Variants in VAPB observed in about 807,000 individuals in gnomAD.
The protein encoded by VAPB is vesicle-associated membrane protein-associated protein B/C.
In VAPB, 7 loss-of-function variants were observed where a neutral mutation model predicts 25.6. That is an observed-to-expected ratio of 0.27 (90% CI 0.16 to 0.51). The LOEUF is 0.51. Ranked by LOEUF, VAPB falls within the 20% of genes least tolerant of loss-of-function variation. The pLI, the probability that VAPB is intolerant of heterozygous loss-of-function variation, is 0.97. For missense variants in VAPB, 266 were observed against 301.3 expected, an observed-to-expected ratio of 0.88 and a Z score of 0.87; for synonymous variants, 112 against 109.2, an observed-to-expected ratio of 1.03 and a Z score of -0.16.
rs991678446 is a variant in VAPB, at chr20:58,449,830, G to C, written c.*5595G>C. The C allele has an allele frequency of 2.2e-6, 1 of 454,112 alleles. No individual in the cohort carries two copies. Among genetic ancestry groups the C allele is most frequent in the South Asian group, 1.6e-5 (1 of 64,476 alleles). 28.1% of individuals were successfully genotyped at this position (454,112 alleles called of 1,614,324 possible). A position where few individuals can be genotyped will look rare whatever the true frequency, so the allele number is the denominator to read the frequency against. On this transcript the variant is annotated 3_prime_UTR_variant, in exon 6 of 6. Coordinates refer to ENST00000475243, the MANE Select transcript of VAPB (RefSeq NM_004738.5). ...TGGCCTGCTTTCCTGCTTGCATTCT[G>C]ATGAGCTGCAGGAGTGCGCCTGGCC...
chr20:58,427,537 AT>A (rs1293606890), intron 2 of VAPB, among the ~76,000 whole-genome samples: 2 of 151,508 alleles, frequency 1.3e-5, no homozygotes, highest in African/African-American at 2.4e-5. Context: ...TCGTAGCATT[AT>A]GATGCAGGCA....
At chr20:58,412,658 T>G (rs1424743303) in intron 1 of VAPB, among the ~76,000 whole-genome samples, 1 of 152,074 alleles carries the variant, frequency 6.6e-6, no homozygotes, top group East Asian at 1.9e-4. Context: ...TGTTATGCTA[T>G]GCTTGAGGTA....
At chr20:58,441,954 C>T (rs1183037385) in intron 5 of VAPB, among the ~76,000 whole-genome samples, 1 of 152,072 alleles carries the variant, frequency 6.6e-6, no homozygotes, top group African/African-American at 2.4e-5. Flanking sequence ...GAGCTTCTAG[C>T]TTCTGGATGA....
intron 2 of VAPB, among the ~76,000 whole-genome samples, chr20:58,423,397 A>T (rs1225622554): frequency 7.2e-6 from 1 of 138,818 alleles, no homozygotes; most frequent in Non-Finnish European, 1.5e-5. Context: ...GGGCAACAAG[A>T]GAGAAACTCC....
At chr20:58,424,226 G>A (rs148265141) in intron 2 of VAPB, among the ~76,000 whole-genome samples, 2 of 152,240 alleles carry the variant, frequency 1.3e-5, no homozygotes, top group African/African-American at 4.8e-5. Flanking sequence ...GGGCTCTCCA[G>A]TCTTGAATCT....
At chr20:58,405,235 G>A (rs1180212207) in intron 1 of VAPB, among the ~76,000 whole-genome samples, 1 of 152,062 alleles carries the variant, frequency 6.6e-6, no homozygotes, top group Admixed American at 6.6e-5. Context: ...GGAGACATTT[G>A]GGAAGAGCAT....
At chr20:58,437,127 G>A (rs1304230677) in intron 3 of VAPB, among the ~76,000 whole-genome samples, 1 of 148,256 alleles carries the variant, frequency 6.7e-6, no homozygotes, top group Non-Finnish European at 1.5e-5. Flanking sequence ...CCACCATGCC[G>A]GCTATTTTTT....
At chr20:58,440,292 A>G (rs1989132833) in intron 4 of VAPB, 1 of 152,990 alleles carries the variant, frequency 6.5e-6, no homozygotes, top group African/African-American at 2.4e-5. Flanking sequence ...TTTCCCTGAC[A>G]AGCTGCGTGC....
intron 1 of VAPB, among the ~76,000 whole-genome samples, chr20:58,414,673 C>T (rs891419330): frequency 2.0e-5 from 3 of 151,218 alleles, no homozygotes; most frequent in Non-Finnish European, 3.0e-5. Flanking sequence ...TGATGGCGGC[C>T]GGAAAGAGGC....
intron 2 of VAPB, among the ~76,000 whole-genome samples, chr20:58,430,639 C>T (rs1361355824): frequency 4.6e-5 from 7 of 151,610 alleles, no homozygotes; most frequent in South Asian, 2.1e-4. Flanking sequence ...GCAGTGGCGC[C>T]GTCTTGGCTC....
intron 2 of VAPB, among the ~76,000 whole-genome samples, chr20:58,422,707 A>T (rs888462369): frequency 9.2e-5 from 14 of 151,984 alleles, no homozygotes; most frequent in African/African-American, 3.4e-4. Context: ...TGGTAAAATT[A>T]TGGGCCCATC....
chr20:58,436,327 C>CTTT (rs57100987), intron 3 of VAPB, among the ~76,000 whole-genome samples: 4,407 of 113,216 alleles, frequency 0.039, 142 homozygotes, highest in East Asian at 0.11. Context: ...GTTTTTCTTC[C>CTTT]TTTTTTTTTT....
In VAPB at chr20:58,449,854, CCTT is replaced by C. The variant is rs1385897939; in HGVS notation, c.*5622_*5624del. The C allele has an allele frequency of 2.2e-6, 1 of 453,958 alleles. No individual in the cohort carries two copies. The highest frequency in any genetic ancestry group is 4.4e-6 in the Non-Finnish European group (1 of 226,786). The allele number at this position is 453,958 out of a possible 1,614,324, so 28.1% of individuals were successfully genotyped here. ...TGATGAGCTGCAGGAGTGCGCCTGG[CCTT>C]CTGCAGGTGGAGCTGCTGTCAGAGC... On this transcript the variant is annotated 3_prime_UTR_variant, in exon 6 of 6. Coordinates refer to ENST00000475243, the MANE Select transcript of VAPB (RefSeq NM_004738.5).
intron 3 of VAPB, among the ~76,000 whole-genome samples, chr20:58,437,932 T>TG (rs1316237562): frequency 6.6e-6 from 1 of 152,060 alleles, no homozygotes; most frequent in Non-Finnish European, 1.5e-5. Flanking sequence ...GCATGGAGGG[T>TG]GGGGGTGCCT....
Position 58,447,550 on chromosome 20 carries a change from A to G in VAPB, c.*3315A>G, listed in dbSNP as rs772298515. 2.8e-4 allele frequency: 126 copies of G among 454,004 alleles called. No homozygotes were observed. The highest frequency in any genetic ancestry group is 4.5e-4 in the Non-Finnish European group (103 of 226,790). The allele number at this position is 454,004 out of a possible 1,614,324, so 28.1% of individuals were successfully genotyped here. ...CCAGGAACAGAATTGCTATCGAAAG[A>G]TATCATTGCCCAGTTTGCAGGCTAT... On this transcript the variant is annotated 3_prime_UTR_variant, in exon 6 of 6. Coordinates refer to ENST00000475243, the MANE Select transcript of VAPB (RefSeq NM_004738.5).
At chr20:58,424,184 C>T (rs1312747936) in intron 2 of VAPB, among the ~76,000 whole-genome samples, 1 of 152,112 alleles carries the variant, frequency 6.6e-6, no homozygotes, top group Non-Finnish European at 1.5e-5. Flanking sequence ...TCTTTTCACT[C>T]ATTATGGGTC....
intron 1 of VAPB, among the ~76,000 whole-genome samples, chr20:58,408,364 T>C (rs1988284538): frequency 6.6e-6 from 1 of 152,252 alleles, no homozygotes; most frequent in Non-Finnish European, 1.5e-5. Flanking sequence ...TATTTCAAAA[T>C]AAGAGCTATA....
intron 2 of VAPB, among the ~76,000 whole-genome samples, chr20:58,418,728 A>G (rs1020069370): frequency 6.6e-6 from 1 of 152,168 alleles, no homozygotes. Context: ...AACAAACTTA[A>G]TTTTACTTTG....
intron 1 of VAPB, among the ~76,000 whole-genome samples, chr20:58,392,068 CAT>C (rs1987814392): frequency 6.6e-6 from 1 of 152,218 alleles, no homozygotes; most frequent in Non-Finnish European, 1.5e-5. Context: ...AAGAGGCACT[CAT>C]TTGAGAAAAT....
Sources: allele counts gnomAD v4.1 joint callset (sites outside exome capture counted in the v4.1 genomes callset), GRCh38; gene constraint gnomAD v4.1.1; transcripts MANE v1.5; gene names NCBI Gene and HGNC (gene_info 2026-07-23, HGNC 2026-07-21).